The following SGCG variants were observed in gnomAD, a reference collection of about 807,000 sequenced individuals.
SGCG encodes the protein sarcoglycan gamma.
SGCG carries 26 observed loss-of-function variants against 29.3 expected under a neutral mutation model. That is an observed-to-expected ratio of 0.89 (90% CI 0.65 to 1.23). The LOEUF (loss-of-function observed/expected upper bound fraction) is 1.23, where lower values mean the gene tolerates loss of function less well. SGCG is among the 50% of genes most tolerant of loss of function. SGCG has a pLI of 0.00. For missense variants in SGCG, 353 were observed against 356.0 expected, an observed-to-expected ratio of 0.99 and a Z score of 0.07; for synonymous variants, 145 against 129.7, an observed-to-expected ratio of 1.12 and a Z score of -0.80.
At chr13:23,286,746 T>G (rs2137629892) in intron 5 of SGCG, among the ~76,000 whole-genome samples, 1 of 152,198 alleles carries the variant, frequency 6.6e-6, no homozygotes, top group Non-Finnish European at 1.5e-5. Flanking sequence ...CATCTCTCTC[T>G]CTGTCTCAGA....
intron 6 of SGCG, among the ~76,000 whole-genome samples, chr13:23,303,485 G>C (rs544015739): frequency 6.6e-6 from 1 of 152,360 alleles, no homozygotes; most frequent in African/African-American, 2.4e-5. Context: ...CACAGGGAAG[G>C]GGAATCCAGT....
chr13:23,304,242 A>G (rs945006755), intron 6 of SGCG, among the ~76,000 whole-genome samples: 1 of 152,026 alleles, frequency 6.6e-6, no homozygotes, highest in Non-Finnish European at 1.5e-5. Context: ...TTACATACTC[A>G]TGTTTATTAA....
intron 6 of SGCG, among the ~76,000 whole-genome samples, chr13:23,301,081 A>C (rs1882143089): frequency 6.6e-6 from 1 of 152,058 alleles, no homozygotes; most frequent in Non-Finnish European, 1.5e-5. Flanking sequence ...ACGCCACTGC[A>C]CTCCAGCCTG....
chr13:23,225,199 G>T (rs77016340), intron 2 of SGCG, among the ~76,000 whole-genome samples: 1 of 152,238 alleles, frequency 6.6e-6, no homozygotes, highest in South Asian at 2.1e-4. Context: ...AACACCCAAA[G>T]TCCACATCCT....
intron 1 of SGCG, among the ~76,000 whole-genome samples, chr13:23,184,226 G>T (rs1203829919): frequency 6.6e-6 from 1 of 152,176 alleles, no homozygotes; most frequent in Non-Finnish European, 1.5e-5. Flanking sequence ...TGTACCTCAA[G>T]AATTTCTTTA....
At chr13:23,217,794 T>C (rs991123412) in intron 2 of SGCG, among the ~76,000 whole-genome samples, 1 of 151,894 alleles carries the variant, frequency 6.6e-6, no homozygotes, top group East Asian at 1.9e-4. Flanking sequence ...AACCAGAAAA[T>C]GAGAGTTAGG....
At chr13:23,177,738 T>G (rs1430093251), upstream of SGCG, among the ~76,000 whole-genome samples, 1 of 12,338 alleles carries the variant, frequency 8.1e-5, no homozygotes, top group Admixed American at 5.2e-4. Flanking sequence ...TGTCCGGCTA[T>G]TTTTTTTTTT....
At chr13:23,301,594 A>C (rs1211771484) in intron 6 of SGCG, among the ~76,000 whole-genome samples, 1 of 152,202 alleles carries the variant, frequency 6.6e-6, no homozygotes, top group African/African-American at 2.4e-5. Flanking sequence ...AGCATTAATA[A>C]GAATCAATGG....
At chr13:23,292,328 T>C (rs1881745974) in intron 5 of SGCG, among the ~76,000 whole-genome samples, 1 of 152,238 alleles carries the variant, frequency 6.6e-6, no homozygotes. Context: ...CAGGCTGGTC[T>C]CGAAATCCTG....
chr13:23,234,768 A>G, intron 3 of SGCG, 56 bp downstream of exon 3: 1 of 1,229,238 alleles, frequency 8.1e-7, no homozygotes, highest in Non-Finnish European at 1.2e-6. Context: ...ATCATGTTTA[A>G]GCACAAAAAT....
At chr13:23,201,430 G>A (rs1294256248) in intron 1 of SGCG, among the ~76,000 whole-genome samples, 1 of 152,116 alleles carries the variant, frequency 6.6e-6, no homozygotes, top group African/African-American at 2.4e-5. Context: ...ACCATCCTGG[G>A]TAATCCGGGC....
At chr13:23,212,493 AAG>A (rs1210901325) in intron 2 of SGCG, among the ~76,000 whole-genome samples, 2 of 152,202 alleles carry the variant, frequency 1.3e-5, no homozygotes, top group Non-Finnish European at 2.9e-5. Context: ...GTTGATAAAT[AAG>A]AGATTAAATG....
chr13:23,256,934 G>T lies in SGCG; in HGVS notation c.385+6217G>T, dbSNP rs183458763. On this transcript the variant is annotated intron_variant, in intron 4 of 7. Coordinates refer to ENST00000218867, the MANE Select transcript of SGCG (RefSeq NM_000231.3). ...GGGTCAAATGGAATTTCTAGTTCTA[G>T]ATCCCTGAGGAATCGCCACACTCTC... 5.4e-3 allele frequency among the ~76,000 whole-genome samples: 815 copies of T among 152,212 alleles called. 8 individuals are homozygous for T. The highest frequency in any genetic ancestry group is 9.7e-3 in the Non-Finnish European group (661 of 68,008).
At chr13:23,292,978 CATT>C (rs1881773677) in intron 5 of SGCG, among the ~76,000 whole-genome samples, 1 of 152,132 alleles carries the variant, frequency 6.6e-6, no homozygotes, top group Admixed American at 6.5e-5. Flanking sequence ...GAATACATAT[CATT>C]ATACAAATTA....
At chr13:23,246,848 C>G (rs1879731238) in intron 3 of SGCG, 1 of 165,126 alleles carries the variant, frequency 6.1e-6, no homozygotes, top group Non-Finnish European at 1.3e-5. Flanking sequence ...CCTCTGACCA[C>G]AAGATGTACC....
chr13:23,224,714 G>A (rs537993262), intron 2 of SGCG, among the ~76,000 whole-genome samples: 1 of 145,966 alleles, frequency 6.9e-6, no homozygotes, highest in Non-Finnish European at 1.5e-5. Flanking sequence ...TAACTAGCGA[G>A]TACATTTTTT....
chr13:23,318,133 T>A (rs1882894157), intron 6 of SGCG, among the ~76,000 whole-genome samples: 1 of 152,204 alleles, frequency 6.6e-6, no homozygotes, highest in Non-Finnish European at 1.5e-5. Flanking sequence ...AGACAGCCTA[T>A]TGTGGGACCT....
At chr13:23,169,184 A>G in the SGCG span, among the ~76,000 whole-genome samples, 7 of 151,996 alleles carry the variant, frequency 4.6e-5, no homozygotes, top group Non-Finnish European at 1.5e-5. Flanking sequence ...ACACTGAACA[A>G]TCCTCCTCAT....
intron 5 of SGCG, among the ~76,000 whole-genome samples, chr13:23,282,127 T>C (rs1002521238): frequency 6.6e-6 from 1 of 152,200 alleles, no homozygotes. Flanking sequence ...CACCATGAAC[T>C]GTGAGTGTAC....
Sources: allele counts gnomAD v4.1 joint callset (sites outside exome capture counted in the v4.1 genomes callset), GRCh38; gene constraint gnomAD v4.1.1; transcripts MANE v1.5; gene names NCBI Gene and HGNC (gene_info 2026-07-23, HGNC 2026-07-21).